GPC6: variants seen among roughly 807,000 people sequenced by gnomAD.
GPC6 encodes glypican 6.
GPC6 carries 14 observed loss-of-function variants against 55.2 expected under a neutral mutation model. That is an observed-to-expected ratio of 0.25 (90% CI 0.17 to 0.40). The LOEUF is 0.40. GPC6 is among the 10% of genes least tolerant of loss of function. The pLI, the probability that GPC6 is intolerant of heterozygous loss-of-function variation, is 1.00. For synonymous variants in GPC6, 278 were observed against 259.6 expected (o/e 1.07, Z -0.68); for missense variants, 641 against 708.5 (o/e 0.90, Z 1.08).
chr13:93,938,073 A>T (rs960297468), intron 3 of GPC6, among the ~76,000 whole-genome samples: 1 of 133,042 alleles, frequency 7.5e-6, no homozygotes, highest in African/African-American at 2.8e-5. Context: ...TGATCTTAAT[A>T]TTGGGAGCAA....
intron 6 of GPC6, 193 bp downstream of exon 6, chr13:94,306,316 T>C (rs1875947149): frequency 1.4e-6 from 1 of 693,088 alleles, no homozygotes; most frequent in South Asian, 1.5e-5. Context: ...ATTTAAGAAA[T>C]CTATTAATCC....
intron 4 of GPC6, among the ~76,000 whole-genome samples, chr13:94,058,632 C>T (rs1566348987): frequency 6.6e-6 from 1 of 152,110 alleles, no homozygotes. Flanking sequence ...TTTTATAAGC[C>T]TGGGGCAGTT....
At chr13:93,688,781 A>G (rs1357380349) in intron 2 of GPC6, among the ~76,000 whole-genome samples, 1 of 152,016 alleles carries the variant, frequency 6.6e-6, no homozygotes, top group Non-Finnish European at 1.5e-5. Context: ...GGCAGAATCA[A>G]GAATTAATGT....
At chr13:93,355,361 A>C (rs1218869279) in intron 1 of GPC6, among the ~76,000 whole-genome samples, 1 of 152,180 alleles carries the variant, frequency 6.6e-6, no homozygotes, top group Non-Finnish European at 1.5e-5. Flanking sequence ...GACATAAGCT[A>C]AGTGATAGAT....
At chr13:93,577,469 C>T (rs1876719865) in intron 2 of GPC6, among the ~76,000 whole-genome samples, 1 of 140,150 alleles carries the variant, frequency 7.1e-6, no homozygotes, top group Admixed American at 7.4e-5. Flanking sequence ...ACCTCTACCG[C>T]TGCTGTTCAA....
chr13:93,769,984 G>T (rs1885240390), intron 2 of GPC6, among the ~76,000 whole-genome samples: 2 of 152,274 alleles, frequency 1.3e-5, no homozygotes, highest in African/African-American at 4.8e-5. Context: ...AACCATTATG[G>T]TTTGCCAAGG....
chr13:93,327,320 A>G (rs530252204), intron 1 of GPC6, among the ~76,000 whole-genome samples: 42 of 152,224 alleles, frequency 2.8e-4, no homozygotes, highest in African/African-American at 9.9e-4. Flanking sequence ...TGATTGTGAT[A>G]CCTTTCTTTA....
chr13:94,252,611 AC>A (rs1891388231), intron 4 of GPC6, among the ~76,000 whole-genome samples: 2 of 152,102 alleles, frequency 1.3e-5, no homozygotes, highest in Non-Finnish European at 2.9e-5. Context: ...ACCCACCACC[AC>A]CAACAACAAC....
rs1160372520 is a variant in GPC6, at chr13:93,842,526, G to A, written c.711+11981G>A. On this transcript the variant is annotated intron_variant, in intron 3 of 8. Coordinates refer to ENST00000377047, the MANE Select transcript of GPC6 (RefSeq NM_005708.5). ...GATAGTACTTTCCCAACAATGGTCT[G>A]TTATCCTAAATGTTTAACAAATTGT... is the stretch of plus-strand genomic sequence containing the variant. Among the ~76,000 whole-genome samples the A allele has an allele frequency of 5.3e-5, 8 of 151,974 alleles. No homozygotes were observed. The East Asian group carries it at 1.5e-3, about 29-fold the overall frequency.
chr13:94,273,194 G>GT (rs1170894231), intron 4 of GPC6, among the ~76,000 whole-genome samples: 2 of 152,186 alleles, frequency 1.3e-5, no homozygotes, highest in African/African-American at 4.8e-5. Context: ...CAAAGGTTAA[G>GT]TAAGTTGCCC....
chr13:93,896,159 T>A (rs1876000505), intron 3 of GPC6, among the ~76,000 whole-genome samples: 1 of 151,984 alleles, frequency 6.6e-6, no homozygotes, highest in Non-Finnish European at 1.5e-5. Flanking sequence ...TGTACCCCGA[T>A]AAATACGTAC....
At chr13:93,444,820 C>A (rs1393095671) in intron 1 of GPC6, among the ~76,000 whole-genome samples, 1 of 152,154 alleles carries the variant, frequency 6.6e-6, no homozygotes, top group Non-Finnish European at 1.5e-5. Context: ...ATGTCATATG[C>A]AGTTCATTTC....
At chr13:93,406,084 A>G (rs1566340127) in intron 1 of GPC6, among the ~76,000 whole-genome samples, 1 of 152,198 alleles carries the variant, frequency 6.6e-6, no homozygotes, top group Non-Finnish European at 1.5e-5. Flanking sequence ...TCTACATTCT[A>G]TTCATTAAAG....
At chr13:93,678,882 G>T (rs943644548) in intron 2 of GPC6, among the ~76,000 whole-genome samples, 1 of 152,088 alleles carries the variant, frequency 6.6e-6, no homozygotes, top group African/African-American at 2.4e-5. Context: ...TCTTCCTTTT[G>T]TCTGCAGAAA....
At chr13:93,879,143 G>A (rs550305910) in intron 3 of GPC6, among the ~76,000 whole-genome samples, 6 of 152,002 alleles carry the variant, frequency 3.9e-5, no homozygotes, top group African/African-American at 4.8e-5. Flanking sequence ...TGAGGCTTCT[G>A]CATTCTTCAC....
intron 3 of GPC6, among the ~76,000 whole-genome samples, chr13:93,944,484 A>G (rs564411888): frequency 1.5e-4 from 23 of 152,230 alleles, no homozygotes; most frequent in East Asian, 3.9e-4. Context: ...GATTACAGGC[A>G]TGAGCCACCA....
chr13:94,054,129 C>G (rs770115344), intron 4 of GPC6, among the ~76,000 whole-genome samples: 6 of 152,136 alleles, frequency 3.9e-5, no homozygotes, highest in Non-Finnish European at 8.8e-5. Context: ...ATAAGCTGTT[C>G]AGGTCCTATG....
At position 93,232,788 on chromosome 13, in the gene GPC6, C is replaced by A. The variant is rs111495940; in HGVS notation, c.160+5172C>A. Among the ~76,000 whole-genome samples the A allele has an allele frequency of 6.4e-3, 974 of 152,152 alleles. 7 individuals carry two copies. The highest frequency in any genetic ancestry group is 0.022 in the African/African-American group (928 of 41,536). ...TAAAACACAAAATTATTGAGTAGTT[C>A]TAACCTAAAATGACCTAACTTCAAT... is the stretch of plus-strand genomic sequence containing the variant. On this transcript the variant is annotated intron_variant, in intron 1 of 8. Coordinates refer to ENST00000377047, the MANE Select transcript of GPC6 (RefSeq NM_005708.5).
At chr13:94,320,464 A>T (rs1204203113) in intron 6 of GPC6, among the ~76,000 whole-genome samples, 1 of 151,818 alleles carries the variant, frequency 6.6e-6, no homozygotes, top group Non-Finnish European at 1.5e-5. Flanking sequence ...GTGTGAGTTT[A>T]TATTCCTTGG....
Sources: allele counts gnomAD v4.1 joint callset (sites outside exome capture counted in the v4.1 genomes callset), GRCh38; gene constraint gnomAD v4.1.1; transcripts MANE v1.5; gene names NCBI Gene and HGNC (gene_info 2026-07-23, HGNC 2026-07-21).